GRIN2B: variants seen among roughly 807,000 people sequenced by gnomAD.
GRIN2B encodes glutamate ionotropic receptor NMDA type subunit 2B, also known as glutamate receptor ionotropic, NMDA 2B.
Under a neutral mutation model 114.5 loss-of-function variants are expected in GRIN2B, and 5 were observed. That is an observed-to-expected ratio of 0.04 (90% CI 0.02 to 0.09). The LOEUF (loss-of-function observed/expected upper bound fraction) is 0.09, where lower values mean the gene tolerates loss of function less well. GRIN2B is among the 10% of genes least tolerant of loss of function. GRIN2B has a pLI of 1.00. For synonymous variants in GRIN2B, 787 were observed against 745.1 expected (o/e 1.06, Z -0.92); for missense variants, 1,108 against 1,943.5 (o/e 0.57, Z 8.08).
intron 5 of GRIN2B, among the ~76,000 whole-genome samples, chr12:13,621,600 T>A (rs1209086900): frequency 1.2e-4 from 15 of 121,230 alleles, no homozygotes; most frequent in African/African-American, 4.5e-4. Flanking sequence ...AAAAAAAAAA[T>A]TGCCTAGTTT....
At chr12:13,760,408 T>C (rs1049379718) in intron 3 of GRIN2B, among the ~76,000 whole-genome samples, 4 of 152,212 alleles carry the variant, frequency 2.6e-5, no homozygotes, top group Admixed American at 6.5e-5. Context: ...CCAACTGTGA[T>C]TATATTTTTC....
intron 3 of GRIN2B, among the ~76,000 whole-genome samples, chr12:13,818,249 G>A (rs1591749387): frequency 6.6e-6 from 1 of 152,124 alleles, no homozygotes; most frequent in African/African-American, 2.4e-5. Context: ...TAACCAAAGG[G>A]CAGGAAGGAG....
chr12:13,969,708 G>C (rs1403455239), intron 2 of GRIN2B, among the ~76,000 whole-genome samples: 3 of 152,074 alleles, frequency 2.0e-5, no homozygotes, highest in Non-Finnish European at 4.4e-5. Context: ...CCTAATCTCT[G>C]TCTCAGTTGC....
intron 4 of GRIN2B, among the ~76,000 whole-genome samples, chr12:13,730,442 A>G (rs1863069480): frequency 6.6e-6 from 1 of 152,156 alleles, no homozygotes; most frequent in Admixed American, 6.5e-5. Context: ...ATACATTCTT[A>G]TTTAACGAGC....
chr12:13,704,539 A>G (rs1204706098), intron 4 of GRIN2B, among the ~76,000 whole-genome samples: 1 of 152,074 alleles, frequency 6.6e-6, no homozygotes, highest in Admixed American at 6.6e-5. Context: ...TCATCACACC[A>G]TCCCCCAGTG....
chr12:13,885,306 A>T (rs1021941664), intron 2 of GRIN2B, among the ~76,000 whole-genome samples: 2 of 152,216 alleles, frequency 1.3e-5, no homozygotes, highest in African/African-American at 4.8e-5. Context: ...TTAAACCACA[A>T]AAAAGAGCAG....
At chr12:13,959,346 C>A (rs970940142) in intron 2 of GRIN2B, among the ~76,000 whole-genome samples, 1 of 152,112 alleles carries the variant, frequency 6.6e-6, no homozygotes, top group Non-Finnish European at 1.5e-5. Context: ...GGGTGGGGCC[C>A]GCAGGGAGAG....
At chr12:13,661,177 GAT>G (rs1486995181) in intron 5 of GRIN2B, among the ~76,000 whole-genome samples, 1 of 152,016 alleles carries the variant, frequency 6.6e-6, no homozygotes, top group Non-Finnish European at 1.5e-5. Flanking sequence ...AATGCCCTTG[GAT>G]CACTCCAATT....
In GRIN2B at chr12:13,926,638, G is replaced by A. The variant is rs531716838; in HGVS notation, c.-19+53290C>T. 2.4e-3 allele frequency among the ~76,000 whole-genome samples: 365 copies of A among 152,262 alleles called. 1 individual carries two copies. The highest frequency in any genetic ancestry group is 8.4e-3 in the African/African-American group (347 of 41,544). On this transcript the variant is annotated intron_variant, in intron 2 of 13. Coordinates refer to ENST00000609686, the MANE Select transcript of GRIN2B (RefSeq NM_000834.5). ...AAGTCAAGGACTTTACCACCTGCCTGGCTCTGCCTGCATTTTTAAAAAGAC... is the reference window on the plus strand; with the variant it reads ...AAGTCAAGGACTTTACCACCTGCCTAGCTCTGCCTGCATTTTTAAAAAGAC...
In GRIN2B at chr12:13,549,179, G is replaced by A. The variant is rs1948381765; in HGVS notation, c.*13604C>T. On this transcript the variant is annotated 3_prime_UTR_variant, in exon 14 of 14. Transcript: ENST00000609686. ...ATATCATTCATAAGTGAACAGGTGG[G>A]TTGTAAGAGAAGGTTGTTGCAAGAT... 6.6e-6 allele frequency: 1 copy of A among 152,130 alleles called. No homozygotes were observed. Among genetic ancestry groups the A allele is most frequent in the Non-Finnish European group, 1.5e-5 (1 of 68,018 alleles). The allele number at this position is 152,130 out of a possible 1,614,324, so 9.4% of individuals were successfully genotyped here. A position where few individuals can be genotyped will look rare whatever the true frequency, so the allele number is the denominator to read the frequency against.
At chr12:13,874,938 C>T (rs1320629679) in intron 2 of GRIN2B, among the ~76,000 whole-genome samples, 1 of 152,144 alleles carries the variant, frequency 6.6e-6, no homozygotes, top group Admixed American at 6.5e-5. Context: ...GAACAGCCTG[C>T]ACTAGAGGAG....
At chr12:13,948,831 C>T (rs1867417456) in intron 2 of GRIN2B, among the ~76,000 whole-genome samples, 1 of 152,100 alleles carries the variant, frequency 6.6e-6, no homozygotes, top group Non-Finnish European at 1.5e-5. Flanking sequence ...ATTCCATGGA[C>T]AGATGGGCCA....
chr12:13,897,321 A>C (rs1380908046), intron 2 of GRIN2B, among the ~76,000 whole-genome samples: 4 of 151,852 alleles, frequency 2.6e-5, no homozygotes, highest in Admixed American at 2.6e-4. Flanking sequence ...CCATTAGCAC[A>C]CTCTAAATAA....
rs189831553 is a variant in GRIN2B, at chr12:13,621,488, C to G, written c.1126-4831G>C. ...TGAGGTAACTAAACAAACATCATTACCATAAGCACATTTCACAACATCTGT... is the reference window on the plus strand; with the variant it reads ...TGAGGTAACTAAACAAACATCATTAGCATAAGCACATTTCACAACATCTGT... On this transcript the variant is annotated intron_variant, in intron 5 of 13. Coordinates refer to ENST00000609686, the MANE Select transcript of GRIN2B (RefSeq NM_000834.5). 1.1e-3 allele frequency among the ~76,000 whole-genome samples: 170 copies of G among 151,978 alleles called. 1 individual carries two copies. The highest frequency in any genetic ancestry group is 3.8e-3 in the African/African-American group (156 of 41,450).
intron 3 of GRIN2B, among the ~76,000 whole-genome samples, chr12:13,785,458 C>G (rs938111249): frequency 2.6e-5 from 4 of 152,164 alleles, no homozygotes; most frequent in African/African-American, 9.7e-5. Flanking sequence ...CACCACAACT[C>G]CCACATGCCT....
At chr12:13,855,011 G>C (rs1865633670) in intron 3 of GRIN2B, among the ~76,000 whole-genome samples, 1 of 138,566 alleles carries the variant, frequency 7.2e-6, no homozygotes, top group Non-Finnish European at 1.5e-5. Flanking sequence ...AAGAGTTTGA[G>C]ACCTGCCTGG....
At chr12:13,808,973 G>A (rs962789571) in intron 3 of GRIN2B, among the ~76,000 whole-genome samples, 2 of 151,922 alleles carry the variant, frequency 1.3e-5, no homozygotes, top group African/African-American at 2.4e-5. Context: ...GCAAAGAAAC[G>A]TAACCAGAGT....
At chr12:13,812,437 C>T (rs1264159295) in intron 3 of GRIN2B, among the ~76,000 whole-genome samples, 2 of 151,732 alleles carry the variant, frequency 1.3e-5, no homozygotes, top group Non-Finnish European at 2.9e-5. Flanking sequence ...TGTATTCTCC[C>T]TAATCTCTGT....
At chr12:13,717,178 T>A (rs1311497361) in intron 4 of GRIN2B, among the ~76,000 whole-genome samples, 1 of 151,446 alleles carries the variant, frequency 6.6e-6, no homozygotes, top group East Asian at 1.9e-4. Context: ...AGCTGAGGTA[T>A]GGACAGTTTT....
Sources: gnomAD v4.1 joint callset for allele counts (sites outside exome capture counted in the v4.1 genomes callset) on GRCh38, gnomAD v4.1.1 for gene constraint, MANE v1.5 for transcripts, NCBI Gene and HGNC (gene_info 2026-07-23, HGNC 2026-07-21) for gene names.